B4GALNT3: variants seen among roughly 807,000 people sequenced by gnomAD.
B4GALNT3 encodes the protein beta-1,4-N-acetyl-galactosaminyltransferase 3.
Under a neutral mutation model 120.2 loss-of-function variants are expected in B4GALNT3, and 86 were observed. The observed-to-expected ratio is 0.72, with a 90% CI of 0.60 to 0.86. The LOEUF (loss-of-function observed/expected upper bound fraction) is 0.86, where lower values mean the gene tolerates loss of function less well. B4GALNT3 is among the 40% of genes least tolerant of loss of function. B4GALNT3 has a pLI of 0.00. For synonymous variants in B4GALNT3, 518 were observed against 510.4 expected (o/e 1.01, Z -0.20); for missense variants, 1,167 against 1,298.9 (o/e 0.90, Z 1.56).
chr12:463,214 G>A (rs1047371547), intron 1 of B4GALNT3, among the ~76,000 whole-genome samples: 5 of 152,204 alleles, frequency 3.3e-5, no homozygotes, highest in Non-Finnish European at 7.3e-5. Flanking sequence ...ATCTGGTGCT[G>A]GAAGAAGAGT....
At chr12:509,275 T>C (rs1308313778) in intron 1 of B4GALNT3, among the ~76,000 whole-genome samples, 1 of 152,210 alleles carries the variant, frequency 6.6e-6, no homozygotes, top group Admixed American at 6.5e-5. Flanking sequence ...TGACAAGTGC[T>C]CTGCAAAATG....
chr12:535,495 T>C (rs1425007530), intron 2 of B4GALNT3, among the ~76,000 whole-genome samples: 3 of 152,172 alleles, frequency 2.0e-5, no homozygotes, highest in Non-Finnish European at 2.9e-5. Context: ...GGGCTGCCAC[T>C]GGGCCTGGTT....
At chr12:531,817 C>T (rs1227797304) in intron 1 of B4GALNT3, among the ~76,000 whole-genome samples, 1 of 152,140 alleles carries the variant, frequency 6.6e-6, no homozygotes, top group African/African-American at 2.4e-5. Flanking sequence ...AGGTCTGGCC[C>T]ACATAATTTA....
chr12:466,045 A>G (rs1946075544), intron 1 of B4GALNT3, among the ~76,000 whole-genome samples: 1 of 136,218 alleles, frequency 7.3e-6, no homozygotes, highest in Non-Finnish European at 1.6e-5. Flanking sequence ...CCCCTGCTTG[A>G]TGGTGCTGGG....
rs1431403870 is a variant in B4GALNT3, at chr12:551,951, G to T, written c.1108-112G>T. 1.9e-5 allele frequency: 15 copies of T among 808,068 alleles called. No individual in the cohort carries two copies. The East Asian group carries it at 3.7e-4, about 20-fold the overall frequency. 50.1% of individuals were successfully genotyped at this position (808,068 alleles called of 1,614,324 possible). A position where few individuals can be genotyped will look rare whatever the true frequency, so the allele number is the denominator to read the frequency against. On this transcript the variant is annotated intron_variant, in intron 11 of 19. Transcript: ENST00000266383. ...AACCCTTCTCTCCCTGCCAAGGGCG[G>T]GTCCCTAGCAGCCCTATGTGATCCC...
intron 1 of B4GALNT3, among the ~76,000 whole-genome samples, chr12:473,661 T>C (rs1202958029): frequency 1.3e-5 from 2 of 152,190 alleles, no homozygotes; most frequent in Non-Finnish European, 2.9e-5. Context: ...ATGGTGGTCC[T>C]ACAGAAGAAT....
chr12:464,502 G>A lies in B4GALNT3; in HGVS notation c.169+3957G>A, dbSNP rs145038153. Reference sequence around the variant, plus strand: ...TAAAAAAATACCCAGGCATGGTGGCGCACACCTGTAATCCCAGATACTGGG... The same window carrying A: ...TAAAAAAATACCCAGGCATGGTGGCACACACCTGTAATCCCAGATACTGGG... On this transcript the variant is annotated intron_variant, in intron 1 of 19. Coordinates refer to ENST00000266383, the MANE Select transcript of B4GALNT3 (RefSeq NM_173593.4). 5.3e-5 allele frequency among the ~76,000 whole-genome samples: 8 copies of A among 152,034 alleles called. No individual in the cohort carries two copies. In the East Asian group the frequency reaches 5.8e-4, roughly 11 times the overall value.
chr12:559,443 T>A, intron 19 of B4GALNT3, 22 bp downstream of exon 19: 1 of 1,611,728 alleles, frequency 6.2e-7, no homozygotes, highest in Non-Finnish European at 8.5e-7. Context: ...GAGGAGGGCA[T>A]CCACGAGGCC....
rs1947106571 is a variant in B4GALNT3, at chr12:553,344, G to A, written c.1421G>A (p.Ser474Asn). 1 of 1,613,802 alleles carries A rather than the reference G, an allele frequency of 6.2e-7. No homozygotes were observed. The highest frequency in any genetic ancestry group is 8.5e-7 in the Non-Finnish European group (1 of 1,180,050). ...GATGCCACTGACTACCGCCTCCGAAGCCTGCGGAAACTCCTGGCTCAGCCC... is the reference window on the plus strand; with the variant it reads ...GATGCCACTGACTACCGCCTCCGAAACCTGCGGAAACTCCTGGCTCAGCCC... ...EQDATDYRLR[S>N]LRKLLAQPRE... The change falls in exon 14 of 20, where the codon AGC (serine) becomes AAC (asparagine). Residue 474 changes from serine to asparagine, a missense_variant. Ser to Asn is a conservative substitution (Grantham distance 46). Transcript: ENST00000266383.
chr12:498,407 A>G (rs1409596331), intron 1 of B4GALNT3, among the ~76,000 whole-genome samples: 2 of 152,058 alleles, frequency 1.3e-5, no homozygotes, highest in African/African-American at 4.8e-5. Flanking sequence ...CAAACCCTCT[A>G]CCATGCACTA....
chr12:514,245 T>C (rs952027268), intron 1 of B4GALNT3, among the ~76,000 whole-genome samples: 6 of 149,988 alleles, frequency 4.0e-5, no homozygotes, highest in Middle Eastern at 6.8e-3. Flanking sequence ...TCCCCCAGGC[T>C]GGAGTGCAGT....
At chr12:513,585 GGTCT>G in intron 1 of B4GALNT3, among the ~76,000 whole-genome samples, 1 of 152,142 alleles carries the variant, frequency 6.6e-6, no homozygotes. Flanking sequence ...TTATCAGCAA[GGTCT>G]TTATGACCTG....
chr12:511,718 GCCTTCCACCTT>G (rs1565598166), intron 1 of B4GALNT3, among the ~76,000 whole-genome samples: 1 of 19,370 alleles, frequency 5.2e-5, no homozygotes, highest in African/African-American at 2.7e-4. Flanking sequence ...TCCACCTTCC[GCCTTCCACCTT>G]CCTTCCACCT....
chr12:478,391 T>C (rs760455473), intron 1 of B4GALNT3, among the ~76,000 whole-genome samples: 1 of 152,134 alleles, frequency 6.6e-6, no homozygotes. Context: ...AATTCTCCAG[T>C]AGTAAAGCTT....
intron 1 of B4GALNT3, among the ~76,000 whole-genome samples, chr12:531,531 T>A (rs1263807988): frequency 6.6e-6 from 1 of 152,050 alleles, no homozygotes; most frequent in Non-Finnish European, 1.5e-5. Flanking sequence ...GCACCTGTAG[T>A]CCTAGCTACT....
In B4GALNT3 at chr12:552,513, G is replaced by A. The variant is rs1422388415; in HGVS notation, c.1255G>A (p.Gly419Arg). Reference protein sequence around the residue: ...YIKIDQPEKQGLEQPGFEENL... With the variant: ...YIKIDQPEKQRLEQPGFEENL... The stretch of plus-strand genomic sequence containing the variant: ...CAAGATTGACCAGCCTGAGAAGCAG[G>A]GGCTGGAGCAGCCAGGTACAGAGTG... Residue 419 changes from glycine to arginine, a missense_variant, in exon 13 of 20, where the codon GGG (glycine) becomes AGG (arginine). By Grantham distance (125) the Gly-to-Arg change is moderately radical. Coordinates refer to ENST00000266383, the MANE Select transcript of B4GALNT3 (RefSeq NM_173593.4). 3.1e-6 allele frequency: 5 copies of A among 1,613,860 alleles called. No individual in the cohort carries two copies. The Admixed American group carries it at 8.3e-5, about 27-fold the overall frequency.
At chr12:536,856 A>T (rs1322535881) in intron 3 of B4GALNT3, among the ~76,000 whole-genome samples, 2 of 152,240 alleles carry the variant, frequency 1.3e-5, no homozygotes, top group Non-Finnish European at 2.9e-5. Flanking sequence ...CAAGACTTTC[A>T]TGGCCATGCC....
intron 3 of B4GALNT3, among the ~76,000 whole-genome samples, chr12:538,560 CAAA>C (rs771053015): frequency 0.14 from 9,153 of 63,804 alleles, 262 homozygotes; most frequent in East Asian, 0.2. Context: ...AACCCCATCT[CAAA>C]AAAAAAAAAA....
At chr12:512,334 T>TCCA (rs1662962174) in intron 1 of B4GALNT3, among the ~76,000 whole-genome samples, 1 of 122,480 alleles carries the variant, frequency 8.2e-6, no homozygotes, top group Non-Finnish European at 1.7e-5. Flanking sequence ...CCTTCCACCT[T>TCCA]CCTTCCACCT....
Sources: gnomAD v4.1 joint callset for allele counts (sites outside exome capture counted in the v4.1 genomes callset) on GRCh38, gnomAD v4.1.1 for gene constraint, MANE v1.5 for transcripts, NCBI Gene and HGNC (gene_info 2026-07-23, HGNC 2026-07-21) for gene names.